Variants in CDH4 observed in about 807,000 individuals in gnomAD.
CDH4 encodes the protein cadherin-4.
CDH4 carries 33 observed loss-of-function variants against 86.0 expected under a neutral mutation model. The observed-to-expected ratio is 0.38, with a 90% confidence interval of 0.29 to 0.51. The LOEUF (loss-of-function observed/expected upper bound fraction) is 0.51, where lower values mean the gene tolerates loss of function less well. Ranked by LOEUF, CDH4 falls within the 20% of genes least tolerant of loss-of-function variation. The pLI is 0.86. For missense variants in CDH4, 1,114 were observed against 1,307.4 expected, an observed-to-expected ratio of 0.85 and a Z score of 2.28; for synonymous variants, 555 against 549.4, an observed-to-expected ratio of 1.01 and a Z score of -0.14.
intron 2 of CDH4, among the ~76,000 whole-genome samples, chr20:61,589,083 C>A (rs2086499336): frequency 6.6e-6 from 1 of 152,230 alleles, no homozygotes; most frequent in Admixed American, 6.5e-5. Context: ...ACCTCTTAAT[C>A]TGTTCCTTGG....
intron 2 of CDH4, among the ~76,000 whole-genome samples, chr20:61,661,093 G>T (rs553000674): frequency 2.0e-5 from 2 of 102,206 alleles, no homozygotes; most frequent in African/African-American, 3.0e-5. Flanking sequence ...GCGGGGGGGG[G>T]GGAGACACAG....
At chr20:61,894,485 CT>C (rs1050015578) in intron 7 of CDH4, among the ~76,000 whole-genome samples, 2 of 152,308 alleles carry the variant, frequency 1.3e-5, no homozygotes, top group African/African-American at 4.8e-5. Context: ...AAGCTAAACA[CT>C]CAAGAAACGA....
intron 2 of CDH4, among the ~76,000 whole-genome samples, chr20:61,287,326 AT>A (rs1177262323): frequency 2.0e-5 from 3 of 152,034 alleles, no homozygotes; most frequent in African/African-American, 7.2e-5. Flanking sequence ...AATATAAAAC[AT>A]AGCTGGGTGT....
chr20:61,489,598 C>T (rs1412454286), intron 2 of CDH4, among the ~76,000 whole-genome samples: 2 of 152,252 alleles, frequency 1.3e-5, no homozygotes, highest in African/African-American at 4.8e-5. Flanking sequence ...TGACCACAGT[C>T]GAGGATGAGT....
At chr20:61,865,040 C>T (rs1168107462) in intron 6 of CDH4, among the ~76,000 whole-genome samples, 1 of 152,178 alleles carries the variant, frequency 6.6e-6, no homozygotes, top group Non-Finnish European at 1.5e-5. Flanking sequence ...GCCTCGTGAA[C>T]TTCAATCTGT....
intron 5 of CDH4, among the ~76,000 whole-genome samples, chr20:61,850,670 C>G (rs936732131): frequency 2.6e-5 from 4 of 152,260 alleles, no homozygotes; most frequent in African/African-American, 7.2e-5. Context: ...AGGAAATGCA[C>G]TCTGCGCCTG....
At chr20:61,872,479 G>A (rs1181721661) in intron 6 of CDH4, among the ~76,000 whole-genome samples, 2 of 152,020 alleles carry the variant, frequency 1.3e-5, no homozygotes, top group African/African-American at 2.4e-5. Context: ...CGAGCACCTC[G>A]GGTCTCTCTG....
At chr20:61,794,634 T>C (rs1979428807) in intron 4 of CDH4, among the ~76,000 whole-genome samples, 1 of 152,228 alleles carries the variant, frequency 6.6e-6, no homozygotes, top group Non-Finnish European at 1.5e-5. Context: ...CACCCACAGC[T>C]TCTGCTACAA....
chr20:61,450,804 A>T (rs2085375087), intron 2 of CDH4, among the ~76,000 whole-genome samples: 2 of 145,258 alleles, frequency 1.4e-5, no homozygotes, highest in Admixed American at 1.4e-4. Context: ...CAATGGAGAG[A>T]GTCTGCTGCT....
At position 61,252,503 on chromosome 20, in the gene CDH4, C is replaced by T. The variant is rs753268655; in HGVS notation, c.-11C>T. ...CTCCCGGTGCCGGGCACCGGGCGGG[C>T]GGCGGGGAAGATGACCGCGGGCGCC... On this transcript the variant is annotated 5_prime_UTR_variant, in exon 1 of 16. Coordinates refer to ENST00000614565, the MANE Select transcript of CDH4 (RefSeq NM_001794.5). The surrounding 1 kb of genome is among the most constrained non-coding windows in gnomAD (Gnocchi z 4.4). The T allele has an allele frequency of 9.7e-4, 1,134 of 1,173,202 alleles. 11 individuals carry two copies. The African/African-American group carries it at 0.015, about 15-fold the overall frequency. The allele number at this position is 1,173,202 out of a possible 1,614,324, so 72.7% of individuals were successfully genotyped here.
intron 2 of CDH4, among the ~76,000 whole-genome samples, chr20:61,415,708 C>CT (rs546188723): frequency 1.5e-4 from 22 of 148,942 alleles, no homozygotes; most frequent in Admixed American, 4.7e-4. Flanking sequence ...GTCAGAATCT[C>CT]TTTTTTTTTT....
chr20:61,671,693 G>A (rs1186916360), intron 2 of CDH4, among the ~76,000 whole-genome samples: 1 of 151,720 alleles, frequency 6.6e-6, no homozygotes, highest in African/African-American at 2.4e-5. Flanking sequence ...ATGGGTGGGT[G>A]GGTGGATAGA....
intron 2 of CDH4, among the ~76,000 whole-genome samples, chr20:61,520,872 C>G (rs758559658): frequency 1.3e-4 from 20 of 152,160 alleles, no homozygotes; most frequent in Non-Finnish European, 2.5e-4. Flanking sequence ...GGGAATAATT[C>G]AGAGTTCAAA....
chr20:61,866,112 C>T (rs1013235178), intron 6 of CDH4, among the ~76,000 whole-genome samples: 1 of 152,094 alleles, frequency 6.6e-6, no homozygotes, highest in Non-Finnish European at 1.5e-5. Flanking sequence ...GTGGCCACAC[C>T]ACCCCCTGGC....
At chr20:61,693,824 T>C (rs2087686797) in intron 2 of CDH4, among the ~76,000 whole-genome samples, 1 of 151,704 alleles carries the variant, frequency 6.6e-6, no homozygotes. Context: ...AGAAACGAAT[T>C]GTCACTCACA....
intron 2 of CDH4, among the ~76,000 whole-genome samples, chr20:61,493,250 G>C (rs1370403549): frequency 6.6e-6 from 1 of 152,206 alleles, no homozygotes; most frequent in Non-Finnish European, 1.5e-5. Flanking sequence ...CATTGTCTGT[G>C]AAGTATGCTA....
chr20:61,444,355 ATTTTT>A (rs2085332770), intron 2 of CDH4, among the ~76,000 whole-genome samples: 5 of 12,326 alleles, frequency 4.1e-4, no homozygotes, highest in Admixed American at 9.8e-4. Context: ...GTCTGTGTAT[ATTTTT>A]GTGTTTCTGC....
At chr20:61,460,187 C>T (rs1401817556) in intron 2 of CDH4, among the ~76,000 whole-genome samples, 1 of 152,186 alleles carries the variant, frequency 6.6e-6, no homozygotes, top group East Asian at 1.9e-4. Flanking sequence ...TCGGCTAGCA[C>T]ATAATAAACA....
intron 4 of CDH4, among the ~76,000 whole-genome samples, chr20:61,783,431 G>T (rs1000224225): frequency 6.6e-6 from 1 of 152,124 alleles, no homozygotes; most frequent in Non-Finnish European, 1.5e-5. Flanking sequence ...CCTCCAATAC[G>T]TGAGAGAAAT....
Sources: allele counts gnomAD v4.1 joint callset (sites outside exome capture counted in the v4.1 genomes callset), GRCh38; gene constraint gnomAD v4.1.1; non-coding constraint Gnocchi (gnomAD v3.1); transcripts MANE v1.5; gene names NCBI Gene and HGNC (gene_info 2026-07-23, HGNC 2026-07-21).